ADAMTS17: variants seen among roughly 807,000 people sequenced by gnomAD.
ADAMTS17 encodes the protein ADAM metallopeptidase with thrombospondin type 1 motif 17, also known as A disintegrin and metalloproteinase with thrombospondin motifs 17.
Under a neutral mutation model 141.5 loss-of-function variants are expected in ADAMTS17, and 113 were observed. The observed-to-expected ratio is 0.80, with a 90% CI of 0.69 to 0.93. The LOEUF is 0.93. Ranked by LOEUF, ADAMTS17 falls within the 40% of genes least tolerant of loss-of-function variation. ADAMTS17 has a pLI of 0.00. For missense variants in ADAMTS17, 1,659 were observed against 1,517.9 expected, an observed-to-expected ratio of 1.09 and a Z score of -1.54; for synonymous variants, 768 against 630.6, an observed-to-expected ratio of 1.22 and a Z score of -3.27.
chr15:100,058,109 C>T (rs1460897666), intron 15 of ADAMTS17, among the ~76,000 whole-genome samples: 5 of 151,954 alleles, frequency 3.3e-5, no homozygotes. Flanking sequence ...CTGCCTCAAA[C>T]TCCCTCCAGG....
chr15:99,997,680 C>T lies in ADAMTS17; in HGVS notation c.2592-91G>A. ...CCGGCCGGATCCTGGAATTGCTGCC[C>T]TGTGGTGGGAGAGAGGGAGGCAGAC... On this transcript the variant is annotated intron_variant, in intron 18 of 21. Transcript: ENST00000268070. This position sits in a 1 kb window ranked among gnomAD's most constrained non-coding sequence, Gnocchi z 4.7. The T allele has an allele frequency of 6.5e-7, 1 of 1,529,622 alleles. No individual in the cohort carries two copies. The allele number at this position is 1,529,622 out of a possible 1,614,324, so 94.8% of individuals were successfully genotyped here. A position where few individuals can be genotyped will look rare whatever the true frequency, so the allele number is the denominator to read the frequency against.
At chr15:100,223,058 A>T (rs908520085) in intron 7 of ADAMTS17, among the ~76,000 whole-genome samples, 1 of 152,210 alleles carries the variant, frequency 6.6e-6, no homozygotes, top group Non-Finnish European at 1.5e-5. Context: ...TTTGATAAAG[A>T]TGCGGGTGCA....
intron 8 of ADAMTS17, among the ~76,000 whole-genome samples, chr15:100,163,982 A>G (rs976106065): frequency 1.3e-5 from 2 of 152,242 alleles, no homozygotes; most frequent in Non-Finnish European, 2.9e-5. Flanking sequence ...CTGTAAGAGT[A>G]GAGTGATTTG....
chr15:100,204,521 G>A (rs2041458440), intron 7 of ADAMTS17, among the ~76,000 whole-genome samples: 1 of 152,198 alleles, frequency 6.6e-6, no homozygotes, highest in African/African-American at 2.4e-5. Context: ...CTGAATGGCT[G>A]AACAGCATTT....
chr15:100,114,837 G>C (rs1015138576), intron 13 of ADAMTS17, among the ~76,000 whole-genome samples: 1 of 152,208 alleles, frequency 6.6e-6, no homozygotes, highest in Non-Finnish European at 1.5e-5. Context: ...ATAAGGCAAC[G>C]AAACAGTCCA....
Position 99,993,317 on chromosome 15 carries a change from C to A in ADAMTS17, c.2797-117G>T. The A allele has an allele frequency of 1.4e-6, 2 of 1,448,036 alleles. No homozygotes were observed. The highest frequency in any genetic ancestry group is 1.9e-6 in the Non-Finnish European group (2 of 1,042,422). 89.7% of individuals were successfully genotyped at this position (1,448,036 alleles called of 1,614,324 possible). On this transcript the variant is annotated intron_variant, in intron 19 of 21. Transcript: ENST00000268070. The surrounding 1 kb of genome is among the most constrained non-coding windows in gnomAD (Gnocchi z 4.3). Reference sequence around the variant, plus strand: ...GTGGGGATGATACAAAGATGAAAACCCACACTTCTGTCCTCAAAAAGCTCC... The same window carrying A: ...GTGGGGATGATACAAAGATGAAAACACACACTTCTGTCCTCAAAAAGCTCC...
At chr15:99,987,108 C>T (rs552889654) in intron 20 of ADAMTS17, among the ~76,000 whole-genome samples, 7 of 152,324 alleles carry the variant, frequency 4.6e-5, no homozygotes, top group African/African-American at 1.2e-4. Context: ...CATGCCTGGG[C>T]GTCCTCCCCC....
chr15:100,237,626 T>C (rs964285482), intron 7 of ADAMTS17, among the ~76,000 whole-genome samples: 9 of 152,204 alleles, frequency 5.9e-5, no homozygotes, highest in African/African-American at 1.4e-4. Flanking sequence ...TGAGGTTTTT[T>C]GTTTTTGTTT....
At chr15:100,037,492 C>G (rs760862379) in intron 18 of ADAMTS17, among the ~76,000 whole-genome samples, 2 of 151,706 alleles carry the variant, frequency 1.3e-5, no homozygotes, top group African/African-American at 4.8e-5. Flanking sequence ...CTCACTGCAA[C>G]CTTCGCCTCT....
chr15:100,073,348 A>G (rs1183256857), intron 15 of ADAMTS17, among the ~76,000 whole-genome samples: 1 of 152,244 alleles, frequency 6.6e-6, no homozygotes, highest in Non-Finnish European at 1.5e-5. Flanking sequence ...TGTGGAAGTC[A>G]GTGTGGCGAT....
At chr15:100,236,851 A>C (rs902565460) in intron 7 of ADAMTS17, among the ~76,000 whole-genome samples, 2 of 152,088 alleles carry the variant, frequency 1.3e-5, no homozygotes, top group African/African-American at 2.4e-5. Flanking sequence ...AAGAAAAAGA[A>C]AGAAATACCA....
At chr15:99,977,136 A>G (rs1445715607) in intron 20 of ADAMTS17, among the ~76,000 whole-genome samples, 1 of 151,746 alleles carries the variant, frequency 6.6e-6, no homozygotes, top group Non-Finnish European at 1.5e-5. Flanking sequence ...AAAAGAAAAC[A>G]AAGTACAACC....
intron 7 of ADAMTS17, among the ~76,000 whole-genome samples, chr15:100,249,512 G>A (rs1371583461): frequency 6.6e-6 from 1 of 152,156 alleles, no homozygotes; most frequent in African/African-American, 2.4e-5. Context: ...CTGGGCTGTT[G>A]GGGGGAGATG....
chr15:100,009,770 C>G lies in ADAMTS17; in HGVS notation c.2592-12181G>C, dbSNP rs137894022. Among the ~76,000 whole-genome samples the G allele has an allele frequency of 6.0e-4, 91 of 152,332 alleles. 1 individual carries two copies. The highest frequency in any genetic ancestry group is 2.2e-3 in the African/African-American group (90 of 41,582). On this transcript the variant is annotated intron_variant, in intron 18 of 21. Coordinates refer to ENST00000268070, the MANE Select transcript of ADAMTS17 (RefSeq NM_139057.4). Reference sequence around the variant, plus strand: ...CGGTCCGAACCAAAACAGAGATGGTCACATTCATCTTAATTTTTTTTTCTA... The same window carrying G: ...CGGTCCGAACCAAAACAGAGATGGTGACATTCATCTTAATTTTTTTTTCTA...
Position 99,972,853 on chromosome 15 carries a change from C to G in ADAMTS17, c.*1549G>C, listed in dbSNP as rs989451214. Reference sequence around the variant, plus strand: ...GGCTTCTTTCTGATTTAAGCTAACTCTACGGTTGTGACATGTAACAAAACA... The same window carrying G: ...GGCTTCTTTCTGATTTAAGCTAACTGTACGGTTGTGACATGTAACAAAACA... On this transcript the variant is annotated 3_prime_UTR_variant, in exon 22 of 22. Transcript: ENST00000268070. 6.6e-6 allele frequency: 1 copy of G among 152,214 alleles called. No individual in the cohort carries two copies. Among genetic ancestry groups the G allele is most frequent in the Non-Finnish European group, 1.5e-5 (1 of 68,056 alleles). The allele number at this position is 152,214 out of a possible 1,614,324, so 9.4% of individuals were successfully genotyped here.
At chr15:100,032,216 C>T (rs1158718012) in intron 18 of ADAMTS17, among the ~76,000 whole-genome samples, 1 of 152,054 alleles carries the variant, frequency 6.6e-6, no homozygotes, top group Admixed American at 6.6e-5. Flanking sequence ...ACTGAGAGTC[C>T]CTCCCAGCCC....
At chr15:100,245,917 T>C (rs930422695) in intron 7 of ADAMTS17, among the ~76,000 whole-genome samples, 1 of 152,104 alleles carries the variant, frequency 6.6e-6, no homozygotes, top group Non-Finnish European at 1.5e-5. Context: ...ATGTGTCTGG[T>C]ATTTGTGTGT....
intron 18 of ADAMTS17, among the ~76,000 whole-genome samples, chr15:100,029,366 G>A (rs79945024): frequency 2.5e-3 from 385 of 152,284 alleles, no homozygotes; most frequent in Non-Finnish European, 4.3e-3. Context: ...AAACAAAATG[G>A]CCGTTGCTTC....
intron 20 of ADAMTS17, among the ~76,000 whole-genome samples, chr15:99,976,813 C>T (rs565236802): frequency 9.2e-5 from 14 of 152,324 alleles, no homozygotes; most frequent in African/African-American, 3.4e-4. Flanking sequence ...ATGTTTAAGC[C>T]ACCAGGCTTC....
Sources: allele counts gnomAD v4.1 joint callset (sites outside exome capture counted in the v4.1 genomes callset), GRCh38; gene constraint gnomAD v4.1.1; non-coding constraint Gnocchi (gnomAD v3.1); transcripts MANE v1.5; gene names NCBI Gene and HGNC (gene_info 2026-07-23, HGNC 2026-07-21).